The following NCKAP5L variants were observed in gnomAD, a reference collection of about 807,000 sequenced individuals.
The protein encoded by NCKAP5L is nck-associated protein 5-like.
NCKAP5L carries 54 observed loss-of-function variants against 103.2 expected under a neutral mutation model. The ratio of observed to expected loss-of-function variants is 0.52; its 90% CI spans 0.42 to 0.66. NCKAP5L has a LOEUF of 0.66. Among genes scored for constraint, NCKAP5L ranks in the 30% least tolerant of loss-of-function variants. The pLI is 0.00. For synonymous variants in NCKAP5L, 762 were observed against 748.6 expected, an observed-to-expected ratio of 1.02 and a Z score of -0.29; for missense variants, 1,733 against 1,750.6, an observed-to-expected ratio of 0.99 and a Z score of 0.18.
intron 1 of NCKAP5L, among the ~76,000 whole-genome samples, chr12:49,816,024 A>G (rs1339024445): frequency 6.6e-6 from 1 of 151,814 alleles, no homozygotes; most frequent in Non-Finnish European, 1.5e-5. Context: ...CCCCAGAGCA[A>G]CTCTTCGGAC....
rs1946034935 is a variant in NCKAP5L, at chr12:49,796,033, G to A, written c.1827C>T (p.Leu609=). The A allele has an allele frequency of 6.4e-7, 1 of 1,556,110 alleles. No homozygotes were observed. The highest frequency in any genetic ancestry group is 8.7e-7 in the Non-Finnish European group (1 of 1,156,054). ...GGCTCCCATAGGGGTACGATTCTGG[G>A]AGGCAAGGACTGGGGGGTACTCCAG... ...RSPGVPPSPC[L]PESYPYGSPQ... Residue 609 remains leucine (L), a synonymous_variant, in exon 8 of 13, where the codon CTC becomes CTT. Coordinates refer to ENST00000335999, the MANE Select transcript of NCKAP5L (RefSeq NM_001037806.4).
chr12:49,814,358 C>T (rs533837852), intron 1 of NCKAP5L, among the ~76,000 whole-genome samples: 45 of 151,232 alleles, frequency 3.0e-4, no homozygotes, highest in African/African-American at 1.0e-3. Context: ...GTGGTGTGCG[C>T]CTGTAATCCC....
Position 49,826,270 on chromosome 12 carries a change from C to T in NCKAP5L, c.-99+2052G>A, listed in dbSNP as rs545526312. On this transcript the variant is annotated intron_variant, in intron 1 of 12. Coordinates refer to ENST00000335999, the MANE Select transcript of NCKAP5L (RefSeq NM_001037806.4). ...CTAAAACAAGTCCCAACAGCTGAGA[C>T]GTAAACTGTCTCCTGGGAATCTGCT... Among the ~76,000 whole-genome samples the T allele has an allele frequency of 1.2e-4, 19 of 152,254 alleles. 1 individual carries two copies. The South Asian group carries it at 1.4e-3, about 12-fold the overall frequency.
At chr12:49,793,129 C>A in intron 10 of NCKAP5L, 143 bp from the exon 11 acceptor site, 1 of 798,510 alleles carries the variant, frequency 1.3e-6, no homozygotes, top group Non-Finnish European at 1.9e-6. Context: ...CACCTGTCCA[C>A]CAACCCCACC....
At chr12:49,802,207 C>T (rs1165164832) in intron 5 of NCKAP5L, 2 of 447,746 alleles carry the variant, frequency 4.5e-6, no homozygotes, top group Non-Finnish European at 7.9e-6. Flanking sequence ...AAATCCTATT[C>T]TCTTTGTTAT....
chr12:49,793,930 G>T, intron 8 of NCKAP5L, 34 bp from the exon 9 acceptor site: 2 of 1,438,880 alleles, frequency 1.4e-6, no homozygotes, highest in Non-Finnish European at 1.8e-6. Context: ...GGTGAGGGTG[G>T]TCTTGCCTGC....
intron 6 of NCKAP5L, among the ~76,000 whole-genome samples, chr12:49,801,057 C>T (rs752178690): frequency 3.3e-5 from 5 of 152,222 alleles, no homozygotes; most frequent in Non-Finnish European, 7.3e-5. Context: ...AAGGGGCCGC[C>T]TCTGCAAGGG....
chr12:49,795,330 T>TGTC lies in NCKAP5L; in HGVS notation c.2527_2529dup (p.Asp843dup). ...TCTGCCCAGGGAGGGCCCTTCCCTT[T>TGTC]GTCAGGCTTGGGGGACTCCTTGGTG... On this transcript the variant is annotated inframe_insertion, in exon 8 of 13. Coordinates refer to ENST00000335999, the MANE Select transcript of NCKAP5L (RefSeq NM_001037806.4). 2.0e-6 allele frequency: 3 copies of TGTC among 1,531,444 alleles called. No individual in the cohort carries two copies. Among genetic ancestry groups the TGTC allele is most frequent in the Non-Finnish European group, 2.6e-6 (3 of 1,143,318 alleles). The allele number at this position is 1,531,444 out of a possible 1,614,324, so 94.9% of individuals were successfully genotyped here.
At chr12:49,819,639 T>C (rs544985865) in intron 1 of NCKAP5L, among the ~76,000 whole-genome samples, 1 of 151,984 alleles carries the variant, frequency 6.6e-6, no homozygotes, top group African/African-American at 2.4e-5. Context: ...AAGCAGAGGA[T>C]TGCTTGAGCC....
chr12:49,792,987 C>G lies in NCKAP5L; in HGVS notation c.3341-1G>C. 6.5e-7 allele frequency: 1 copy of G among 1,530,692 alleles called. No homozygotes were observed. The allele number at this position is 1,530,692 out of a possible 1,614,324, so 94.8% of individuals were successfully genotyped here. A position where few individuals can be genotyped will look rare whatever the true frequency, so the allele number is the denominator to read the frequency against. On this transcript the variant is annotated splice_acceptor_variant, in intron 10 of 12. Transcript: ENST00000335999. LOFTEE classifies it high-confidence loss of function. This position sits in a 1 kb window ranked among gnomAD's most constrained non-coding sequence, Gnocchi z 4.5. ...AAGGTTCGAGTCAAGGAGCCACAGGCTGGGGAGGGGAGGGGAGGGCCCGTT... is the reference window on the plus strand; with the variant it reads ...AAGGTTCGAGTCAAGGAGCCACAGGGTGGGGAGGGGAGGGGAGGGCCCGTT...
chr12:49,827,037 G>A (rs921106555), intron 1 of NCKAP5L, among the ~76,000 whole-genome samples: 2 of 152,170 alleles, frequency 1.3e-5, no homozygotes, highest in Non-Finnish European at 2.9e-5. Flanking sequence ...TTAGGAAGAT[G>A]GGGGGACCAA....
rs762987469 is a variant in NCKAP5L at position 49,793,870 on chromosome 12, T to C, written c.3122A>G (p.Lys1041Arg). Residue 1041 changes from lysine to arginine, a missense_variant, in exon 9 of 13, where the codon AAG becomes AGG. Physicochemically the swap from Lys to Arg is conservative, Grantham distance 26. Coordinates refer to ENST00000335999, the MANE Select transcript of NCKAP5L (RefSeq NM_001037806.4). ...NRVDGKELPSKSWREPKPEYG... is the reference protein window; with the variant it reads ...NRVDGKELPSRSWREPKPEYG... ...CTCAGGCTTGGGCTCCCGCCAGCTC[T>C]TGGATGGCAGCTCCTTGCCATCCAC... 1.3e-6 allele frequency: 2 copies of C among 1,564,922 alleles called. No individual in the cohort carries two copies. The highest frequency in any genetic ancestry group is 2.4e-5 in the South Asian group (2 of 83,654).
chr12:49,797,892 G>C lies in NCKAP5L; in HGVS notation c.465+458C>G, dbSNP rs1452950657. Among the ~76,000 whole-genome samples the C allele has an allele frequency of 2.6e-5, 4 of 152,302 alleles. No individual in the cohort carries two copies. The East Asian group carries it at 7.7e-4, about 29-fold the overall frequency. On this transcript the variant is annotated intron_variant, in intron 7 of 12. Coordinates refer to ENST00000335999, the MANE Select transcript of NCKAP5L (RefSeq NM_001037806.4). The surrounding 1 kb of genome is among the most constrained non-coding windows in gnomAD (Gnocchi z 4.5). The stretch of plus-strand genomic sequence containing the variant: ...CTCATCCCCAGCAGAAAGGGGTTGG[G>C]GGTGACGCCATGCCCAGCCCTTTCT...
intron 1 of NCKAP5L, among the ~76,000 whole-genome samples, chr12:49,819,670 G>A (rs977078107): frequency 6.6e-6 from 1 of 152,164 alleles, no homozygotes; most frequent in African/African-American, 2.4e-5. Context: ...AGACCGGCCT[G>A]GGCAACATAG....
chr12:49,791,979 C>A lies in NCKAP5L; in HGVS notation c.3865G>T (p.Gly1289Trp), dbSNP rs754291196. 93 of 1,608,106 alleles carry A rather than the reference C, an allele frequency of 5.8e-5. No homozygotes were observed. The South Asian group carries it at 9.1e-4, about 16-fold the overall frequency. Residue 1289 changes from glycine (G) to tryptophan (W), a missense_variant, in exon 13 of 13, where the codon GGG becomes TGG. By Grantham distance (184) the Gly-to-Trp change is radical. Coordinates refer to ENST00000335999, the MANE Select transcript of NCKAP5L (RefSeq NM_001037806.4). The stretch of plus-strand genomic sequence containing the variant: ...GAAGTGCTGGGGGTGCGGCTACCCC[C>A]GAAAGGTGGGCCCTGGGGCGTAGGG... The part of the protein sequence containing the change: ...PSPTPQGPPF[G>W]GSRTPSTSDM...
chr12:49,796,870 C>T lies in NCKAP5L; in HGVS notation c.990G>A (p.Gln330=), dbSNP rs3741555. The part of the protein sequence containing the change: ...ALARRQLNLG[Q]LLEDTESYLQ... Reference sequence around the variant, plus strand: ...GGTAAGACTCTGTGTCCTCAAGGAGCTGGCCCAGGTTCAACTGTCTGCGGG... The same window carrying T: ...GGTAAGACTCTGTGTCCTCAAGGAGTTGGCCCAGGTTCAACTGTCTGCGGG... The change falls in exon 8 of 13, where the codon CAG becomes CAA. Residue 330 remains glutamine, a synonymous_variant. Coordinates refer to ENST00000335999, the MANE Select transcript of NCKAP5L (RefSeq NM_001037806.4). 0.089 allele frequency: 143,177 copies of T among 1,612,112 alleles called. 18,295 individuals are homozygous for T. The highest frequency in any genetic ancestry group is 0.55 in the East Asian group (24,632 of 44,808).
intron 9 of NCKAP5L, 64 bp from the exon 10 acceptor site, chr12:49,793,497 C>G (rs1414020062): frequency 6.6e-7 from 1 of 1,523,740 alleles, no homozygotes; most frequent in African/African-American, 1.4e-5. Flanking sequence ...CCCCATGCCT[C>G]TAGAGGGTGG....
chr12:49,801,878 T>C lies in NCKAP5L; in HGVS notation c.321A>G (p.Lys107=), dbSNP rs775832805. 6.2e-7 allele frequency: 1 copy of C among 1,613,544 alleles called. No homozygotes were observed. Among genetic ancestry groups the C allele is most frequent in the South Asian group, 1.1e-5 (1 of 91,046 alleles). The part of the protein sequence containing the change: ...NQMLSALFQQ[K]LQLTTGSLPQ... ...GGAGCGAGCCTGTCGTGAGCTGGAGTTTCTGCTGAAACAGGGCACTCAGCA... is the reference window on the plus strand; with the variant it reads ...GGAGCGAGCCTGTCGTGAGCTGGAGCTTCTGCTGAAACAGGGCACTCAGCA... Residue 107 remains lysine (K), a synonymous_variant, in exon 6 of 13, where the codon AAA becomes AAG. Transcript: ENST00000335999.
intron 2 of NCKAP5L, chr12:49,804,394 A>C: frequency 5.8e-6 from 1 of 171,528 alleles, no homozygotes; most frequent in Non-Finnish European, 1.2e-5. Flanking sequence ...TAACACCAAT[A>C]TCCCCTAATC....
Sources: gnomAD v4.1 joint callset for allele counts (sites outside exome capture counted in the v4.1 genomes callset) on GRCh38, gnomAD v4.1.1 for gene constraint, Gnocchi (gnomAD v3.1) non-coding constraint, MANE v1.5 for transcripts, NCBI Gene and HGNC (gene_info 2026-07-23, HGNC 2026-07-21) for gene names.